Variants in FAM3A observed in about 807,000 individuals in gnomAD.
The protein encoded by FAM3A is protein FAM3A.
FAM3A carries 5 observed loss-of-function variants against 18.1 expected under a neutral mutation model. The ratio of observed to expected loss-of-function variants is 0.28; its 90% CI spans 0.14 to 0.58. The LOEUF is 0.58. Among genes scored for constraint, FAM3A ranks in the 20% least tolerant of loss-of-function variants. The pLI is 0.91. For missense variants in FAM3A, 154 were observed against 216.6 expected, an observed-to-expected ratio of 0.71 and a Z score of 1.81; for synonymous variants, 108 against 90.2, an observed-to-expected ratio of 1.20 and a Z score of -1.12.
chrX:154,514,647 G>A (rs1303183255), intron 1 of FAM3A, among the ~76,000 whole-genome samples: 3 of 110,863 alleles, frequency 2.7e-5, no homozygotes, highest in African/African-American at 6.6e-5. Context: ...CTCGTGATCC[G>A]CCCGCCTCGG....
intron 3 of FAM3A, chrX:154,511,366 G>C (rs1194452626): frequency 8.8e-6 from 1 of 114,012 alleles, no homozygotes; most frequent in Admixed American, 9.4e-5. Flanking sequence ...AGACCAACAA[G>C]GCTCTTGAGA....
rs1557221050 is a variant in FAM3A, at chrX:154,508,770, T to C, written c.152-173A>G. On this transcript the variant is annotated intron_variant, in intron 3 of 8. Coordinates refer to ENST00000447601, the MANE Select transcript of FAM3A (RefSeq NM_021806.4). ...GACACTTCCATACTCTGTGTCCTAC[T>C]GGTGAGGCCACAGGGACCCAAGACA... The C allele has an allele frequency of 3.1e-5, 18 of 577,876 alleles. No individual in the cohort carries two copies. The South Asian group carries it at 4.4e-4, about 14-fold the overall frequency. 47.6% of individuals were successfully genotyped at this position (577,876 alleles called of 1,213,427 possible).
At chrX:154,508,989 A>G in intron 3 of FAM3A, 1 of 234,024 alleles carries the variant, frequency 4.3e-6, no homozygotes, top group Non-Finnish European at 8.1e-6. Context: ...CCCGATTTTG[A>G]TGGGGGTTGG....
Position 154,508,363 on chromosome X carries a change from T to TGG in FAM3A, c.276-18_276-17dup. 1 of 211,476 alleles carries TGG rather than the reference T, an allele frequency of 4.7e-6. No individual in the cohort carries two copies. The highest frequency in any genetic ancestry group is 7.8e-6 in the Non-Finnish European group (1 of 127,445). The allele number at this position is 211,476 out of a possible 1,213,427, so 17.4% of individuals were successfully genotyped here. On this transcript the variant is annotated splice_polypyrimidine_tract_variant and intron_variant, in intron 4 of 8. Coordinates refer to ENST00000447601, the MANE Select transcript of FAM3A (RefSeq NM_021806.4). ...GCTCATCAGCCTAGTTGGGGGGGGG[T>TGG]GGGGGGGACGGGGAGATCCCACATG...
Position 154,507,192 on chromosome X carries a change from A to T in FAM3A, c.597+11T>A. ...TGCCCCGGTGGGGGTGATGCCAGGCACCCCCCATACCTGCTCAAAGGGGCT... is the reference window on the plus strand; with the variant it reads ...TGCCCCGGTGGGGGTGATGCCAGGCTCCCCCCATACCTGCTCAAAGGGGCT... On this transcript the variant is annotated intron_variant, in intron 8 of 8. Transcript: ENST00000447601. 4 of 1,189,874 alleles carry T rather than the reference A, an allele frequency of 3.4e-6. No individual in the cohort carries two copies. In the South Asian group the frequency reaches 7.3e-5, roughly 22 times the overall value.
At position 154,508,509 on chromosome X, in the gene FAM3A, G is replaced by A. The variant is rs782575108; in HGVS notation, c.240C>T (p.Asn80=). 2.7e-5 allele frequency: 33 copies of A among 1,206,981 alleles called. No homozygotes were observed. Among genetic ancestry groups the A allele is most frequent in the Middle Eastern group, 4.6e-4 (2 of 4,345 alleles). ...LAFRVVSGAA[N]VIGPKICLED... ...CGAGGCAGATCTTGGGCCCAATGAC[G>A]TTGGCGGCCCCGCTGACCACGCGGA... The change falls in exon 4 of 9, where the codon AAC becomes AAT. Residue 80 remains asparagine, a synonymous_variant. Coordinates refer to ENST00000447601, the MANE Select transcript of FAM3A (RefSeq NM_021806.4).
At chrX:154,513,034 G>T in intron 1 of FAM3A, 98 bp from the exon 2 acceptor site, 1 of 535,791 alleles carries the variant, frequency 1.9e-6, no homozygotes, top group Non-Finnish European at 3.2e-6. Flanking sequence ...CCTGCCACTT[G>T]GGAAGAAGTG....
intron 2 of FAM3A, 94 bp from the exon 3 acceptor site, chrX:154,511,965 G>A: frequency 1.2e-6 from 1 of 832,080 alleles, no homozygotes; most frequent in Non-Finnish European, 1.8e-6. Context: ...TGTAGACACA[G>A]GCAGTCAGGC....
At chrX:154,507,670 G>T in intron 6 of FAM3A, 141 bp downstream of exon 6, 2 of 815,244 alleles carry the variant, frequency 2.5e-6, no homozygotes, top group Non-Finnish European at 3.6e-6. Flanking sequence ...TCCAGACCAA[G>T]CTGGCGATGC....
chrX:154,508,443 C>T (rs1557220603), intron 4 of FAM3A, 31 bp downstream of exon 4: 1 of 1,195,984 alleles, frequency 8.4e-7, no homozygotes, highest in East Asian at 3.0e-5. Context: ...CCCACTCCCT[C>T]CCTGATCCCC....
In FAM3A at chrX:154,506,511, A is replaced by AGAT. The variant is rs2069527464; in HGVS notation, c.*297_*299dup. 1 of 314,611 alleles carries AGAT rather than the reference A, an allele frequency of 3.2e-6. No individual in the cohort carries two copies. The highest frequency in any genetic ancestry group is 5.7e-6 in the Non-Finnish European group (1 of 175,433). The allele number at this position is 314,611 out of a possible 1,213,427, so 25.9% of individuals were successfully genotyped here. On this transcript the variant is annotated 3_prime_UTR_variant, in exon 9 of 9. Transcript: ENST00000447601. ...GTTCCAGGACTCAAGATGGGGATGG[A>AGAT]GATGGCGTGAGGAATGGAGGACAGG...
At chrX:154,513,059 A>T in intron 1 of FAM3A, 123 bp from the exon 2 acceptor site, 1 of 469,851 alleles carries the variant, frequency 2.1e-6, no homozygotes, top group South Asian at 3.5e-5. Flanking sequence ...GAGGACAAGG[A>T]GGTGGAGACC....
chrX:154,506,951 CAG>C (rs1406927604), intron 8 of FAM3A, 45 bp from the exon 9 acceptor site: 8 of 1,094,284 alleles, frequency 7.3e-6, no homozygotes, highest in Non-Finnish European at 1.0e-5. Flanking sequence ...CCCTCAGGGA[CAG>C]GGGACAGGAG....
chrX:154,507,524 C>A, intron 6 of FAM3A, 34 bp from the exon 7 acceptor site: 5 of 1,163,081 alleles, frequency 4.3e-6, no homozygotes, highest in Non-Finnish European at 5.8e-6. Flanking sequence ...CAGGGGTCAT[C>A]AGGCACCACT....
Position 154,515,911 on chromosome X carries a change from T to G in FAM3A, c.-139A>C, listed in dbSNP as rs2070171006. On this transcript the variant is annotated 5_prime_UTR_variant, in exon 1 of 9. Coordinates refer to ENST00000447601, the MANE Select transcript of FAM3A (RefSeq NM_021806.4). The stretch of plus-strand genomic sequence containing the variant: ...GGCGGGCGCGATCGGTGCTACGACC[T>G]GTTTGTCCAGCCGCCCGGCCAGGCA... 6 of 618,522 alleles carry G rather than the reference T, an allele frequency of 9.7e-6. No individual in the cohort carries two copies. The highest frequency in any genetic ancestry group is 4.4e-5 in the African/African-American group (2 of 45,257). 51.0% of individuals were successfully genotyped at this position (618,522 alleles called of 1,213,427 possible). A position where few individuals can be genotyped will look rare whatever the true frequency, so the allele number is the denominator to read the frequency against.
In FAM3A at chrX:154,510,868, A is replaced by C. The variant is rs199687873; in HGVS notation, c.151+980T>G. The C allele has an allele frequency of 3.7e-5, 4 of 109,282 alleles. No homozygotes were observed. In the East Asian group the frequency reaches 1.2e-3, roughly 32 times the overall value. 9.0% of individuals were successfully genotyped at this position (109,282 alleles called of 1,213,427 possible). A position where few individuals can be genotyped will look rare whatever the true frequency, so the allele number is the denominator to read the frequency against. On this transcript the variant is annotated intron_variant, in intron 3 of 8. Coordinates refer to ENST00000447601, the MANE Select transcript of FAM3A (RefSeq NM_021806.4). The stretch of plus-strand genomic sequence containing the variant: ...CTTGAACCCGGGAGGCGGAGGTTGC[A>C]GTGAGCCAAGATGGCTCCACTGCAC...
rs782386917 is a variant in FAM3A at position 154,512,927 on chromosome X, C to T, written c.23G>A (p.Arg8His). The change falls in exon 2 of 9, where the codon CGC (arginine) becomes CAC (histidine). Residue 8 changes from arginine to histidine, a missense_variant. Around this residue, in one of 3 missense-constraint regions of FAM3A, gnomAD observed 112 missense variants for 160.0 expected, o/e 0.70. Coordinates refer to ENST00000447601, the MANE Select transcript of FAM3A (RefSeq NM_021806.4). MRLAGPL[R>H]IVVLVVSVGV... ...CACACTGACGACTAGGACCACAATGCGGAGAGGGCCTGGAGGCAGGATAGA... is the reference window on the plus strand; with the variant it reads ...CACACTGACGACTAGGACCACAATGTGGAGAGGGCCTGGAGGCAGGATAGA... The T allele has an allele frequency of 2.0e-5, 24 of 1,200,095 alleles. No homozygotes were observed. In the Admixed American group the frequency reaches 2.2e-4, roughly 11 times the overall value.
Position 154,514,884 on chromosome X carries a change from G to A in FAM3A, c.13+876C>T, listed in dbSNP as rs782336270. On this transcript the variant is annotated intron_variant, in intron 1 of 8. Coordinates refer to ENST00000447601, the MANE Select transcript of FAM3A (RefSeq NM_021806.4). ...TTTTGAGACGGAGTCTCGCTCTGTCGCCCAGGCTGGAGTTATGCGGTGGCG... is the reference window on the plus strand; with the variant it reads ...TTTTGAGACGGAGTCTCGCTCTGTCACCCAGGCTGGAGTTATGCGGTGGCG... 1.1e-4 allele frequency among the ~76,000 whole-genome samples: 12 copies of A among 109,870 alleles called. No homozygotes were observed. In the East Asian group the frequency reaches 1.5e-3, roughly 13 times the overall value.
intron 2 of FAM3A, 112 bp from the exon 3 acceptor site, chrX:154,511,983 C>G: frequency 1.4e-6 from 1 of 693,070 alleles, no homozygotes; most frequent in Non-Finnish European, 2.2e-6. Flanking sequence ...GGCTCAGGGG[C>G]CGGGGGCTAA....
Sources: gnomAD v4.1 joint callset for allele counts (sites outside exome capture counted in the v4.1 genomes callset) on GRCh38, gnomAD v4.1.1 for gene constraint, gnomAD v4.1.1 regional missense constraint, MANE v1.5 for transcripts, NCBI Gene and HGNC (gene_info 2026-07-23, HGNC 2026-07-21) for gene names.